Variants in PTPRB observed in about 807,000 individuals in gnomAD.
PTPRB encodes the protein receptor-type tyrosine-protein phosphatase beta.
A neutral mutation model predicts 238.1 loss-of-function variants in PTPRB; 97 were observed. The ratio of observed to expected loss-of-function variants is 0.41; its 90% CI spans 0.35 to 0.48. PTPRB has a LOEUF of 0.48. PTPRB is among the 20% of genes least tolerant of loss of function. PTPRB has a pLI of 0.30. For synonymous variants in PTPRB, 970 were observed against 995.4 expected (o/e 0.97, Z 0.48); for missense variants, 2,292 against 2,681.9 (o/e 0.85, Z 3.21).
intron 5 of PTPRB, among the ~76,000 whole-genome samples, chr12:70,595,368 C>T (rs544026675): frequency 9.6e-4 from 146 of 152,234 alleles, no homozygotes; most frequent in East Asian, 3.9e-3. Flanking sequence ...TTGATGGGTG[C>T]AGCAAACCAC....
At chr12:70,632,330 C>T (rs1022011787) in intron 2 of PTPRB, among the ~76,000 whole-genome samples, 6 of 151,876 alleles carry the variant, frequency 4.0e-5, no homozygotes, top group Admixed American at 6.6e-5. Context: ...ATCACAAGGA[C>T]AGAAAACCAA....
intron 4 of PTPRB, among the ~76,000 whole-genome samples, chr12:70,603,371 A>G (rs1371331917): frequency 1.3e-5 from 2 of 152,252 alleles, no homozygotes; most frequent in African/African-American, 4.8e-5. Flanking sequence ...ATTTTTGTGT[A>G]TGCTAAGTAT....
intron 9 of PTPRB, chr12:70,584,820 A>C (rs1366155626): frequency 6.6e-6 from 1 of 152,150 alleles, no homozygotes; most frequent in Non-Finnish European, 1.5e-5. Context: ...AGGGGGAAAA[A>C]ATGAGAAAAA....
intron 32 of PTPRB, among the ~76,000 whole-genome samples, chr12:70,526,763 C>G (rs1182653509): frequency 6.6e-6 from 1 of 152,182 alleles, no homozygotes; most frequent in Non-Finnish European, 1.5e-5. Context: ...CATAATTCAT[C>G]TTTTCAGTTC....
At chr12:70,524,786 A>G (rs531884875) in intron 32 of PTPRB, among the ~76,000 whole-genome samples, 195 bp from the exon 33 acceptor site, 1 of 152,102 alleles carries the variant, frequency 6.6e-6, no homozygotes, top group South Asian at 2.1e-4. Flanking sequence ...GGTAATGGGC[A>G]GAGAGGTGGC....
intron 4 of PTPRB, among the ~76,000 whole-genome samples, chr12:70,603,752 A>G (rs1302606890): frequency 6.6e-6 from 1 of 152,232 alleles, no homozygotes; most frequent in Non-Finnish European, 1.5e-5. Flanking sequence ...TTATTGTTAT[A>G]CTATCCCCAT....
Position 70,581,311 on chromosome 12 carries a change from G to A in PTPRB, c.2312-9C>T. 1 of 1,588,292 alleles carries A rather than the reference G, an allele frequency of 6.3e-7. No homozygotes were observed. Among genetic ancestry groups the A allele is most frequent in the Non-Finnish European group, 8.6e-7 (1 of 1,168,140 alleles). On this transcript the variant is annotated splice_polypyrimidine_tract_variant and intron_variant, in intron 9 of 33. Transcript: ENST00000334414. ...AGTCACTTGGGCAGGCACTAAAACA[G>A]TAGACAGAAGAAAAAACAAATGACA... is the stretch of plus-strand genomic sequence containing the variant.
chr12:70,633,786 C>T (rs750103637), intron 2 of PTPRB, among the ~76,000 whole-genome samples: 2 of 152,050 alleles, frequency 1.3e-5, no homozygotes, highest in Non-Finnish European at 2.9e-5. Context: ...GGTAGTTTTT[C>T]TATGAATTAT....
At chr12:70,541,438 G>A (rs1157171419) in intron 22 of PTPRB, 1 of 152,686 alleles carries the variant, frequency 6.5e-6, no homozygotes, top group African/African-American at 2.4e-5. Context: ...GGTAAGAGTG[G>A]CCTCATTTTT....
chr12:70,615,861 A>C (rs1315831872), intron 3 of PTPRB, among the ~76,000 whole-genome samples: 2 of 152,194 alleles, frequency 1.3e-5, no homozygotes, highest in African/African-American at 4.8e-5. Context: ...GAAATCAAAA[A>C]CAGTCACCCA....
In PTPRB at chr12:70,560,564, G is replaced by T; in HGVS notation, c.4432+107C>A. ...TTCCCAAATTCAGGGGCTAGCTCAG[G>T]GTATATCATTATTGGCTTTATCTCT... is the stretch of plus-strand genomic sequence containing the variant. On this transcript the variant is annotated intron_variant, in intron 17 of 33. Coordinates refer to ENST00000334414, the MANE Select transcript of PTPRB (RefSeq NM_001109754.4). The surrounding 1 kb of genome is among the most constrained non-coding windows in gnomAD (Gnocchi z 4.2). The T allele has an allele frequency of 7.0e-7, 1 of 1,430,446 alleles. No homozygotes were observed. The allele number at this position is 1,430,446 out of a possible 1,614,324, so 88.6% of individuals were successfully genotyped here.
Position 70,552,788 on chromosome 12 carries a change from G to A in PTPRB, c.5376C>T (p.His1792=). 1 of 1,613,996 alleles carries A rather than the reference G, an allele frequency of 6.2e-7. No homozygotes were observed. Among genetic ancestry groups the A allele is most frequent in the South Asian group, 1.1e-5 (1 of 91,084 alleles). Residue 1792 remains histidine (H), a synonymous_variant, in exon 21 of 34, where the codon CAC becomes CAT. Coordinates refer to ENST00000334414, the MANE Select transcript of PTPRB (RefSeq NM_001109754.4). ...QKFCDGPLKP[H]TAYRISIRAF... is the part of the protein sequence containing the mutation. ...GTAATATATCTAACCTGTAGGCAGT[G>A]TGTGGCTTCAGTGGTCCATCACAGA...
chr12:70,616,166 A>C (rs1335901340), intron 3 of PTPRB, among the ~76,000 whole-genome samples: 1 of 151,718 alleles, frequency 6.6e-6, no homozygotes, highest in Non-Finnish European at 1.5e-5. Flanking sequence ...CTAGTCTCAA[A>C]CTCCTGGGCT....
At position 70,592,407 on chromosome 12, in the gene PTPRB, C is replaced by G; in HGVS notation, c.1655G>C (p.Arg552Thr). 1 of 1,613,894 alleles carries G rather than the reference C, an allele frequency of 6.2e-7. No individual in the cohort carries two copies. Among genetic ancestry groups the G allele is most frequent in the Non-Finnish European group, 8.5e-7 (1 of 1,179,794 alleles). ...LSHKGTIKES[R>T]VLAPWITETH... is the part of the protein sequence containing the mutation. ...TTCAGTAATCCAAGGTGCTAATACT[C>G]TGGATTCCTTGATGGTCCCTTTGTG... Residue 552 changes from arginine (R) to threonine (T), a missense_variant, in exon 7 of 34, where the codon AGA becomes ACA. This residue lies in a region of PTPRB where 1,205 missense variants were observed against 1,287.8 expected (regional missense o/e 0.94). Transcript: ENST00000334414.
chr12:70,586,358 T>C (rs1322404264), intron 9 of PTPRB, among the ~76,000 whole-genome samples: 2 of 152,182 alleles, frequency 1.3e-5, no homozygotes, highest in Non-Finnish European at 2.9e-5. Context: ...ACTTCCACCA[T>C]GATTATAAGT....
chr12:70,555,708 C>CT (rs3214593), intron 19 of PTPRB, among the ~76,000 whole-genome samples, 162 bp downstream of exon 19: 98,636 of 151,894 alleles, frequency 0.65, 32,156 homozygotes, highest in African/African-American at 0.7. Context: ...GTTTCCATTT[C>CT]TGGAGACTTT....
chr12:70,594,778 C>T, intron 5 of PTPRB, 54 bp from the exon 6 acceptor site: 1 of 1,577,940 alleles, frequency 6.3e-7, no homozygotes, highest in Non-Finnish European at 8.7e-7. Flanking sequence ...TTATAGGAGA[C>T]ATAGACACAT....
At chr12:70,613,416 C>T (rs79210941) in intron 3 of PTPRB, among the ~76,000 whole-genome samples, 6,597 of 152,064 alleles carry the variant, frequency 0.043, 410 homozygotes, top group African/African-American at 0.13. Flanking sequence ...CTCCCCATCC[C>T]GTGCCTATGG....
At chr12:70,537,301 AAAAAAAAG>A (rs1228598143) in intron 28 of PTPRB, among the ~76,000 whole-genome samples, 15 of 151,518 alleles carry the variant, frequency 9.9e-5, no homozygotes, top group South Asian at 2.1e-4. Flanking sequence ...AAAAAAAAAA[AAAAAAAAG>A]AAAGAAATAC....
Sources: allele counts gnomAD v4.1 joint callset (sites outside exome capture counted in the v4.1 genomes callset), GRCh38; gene constraint gnomAD v4.1.1; regional missense constraint gnomAD v4.1.1; non-coding constraint Gnocchi (gnomAD v3.1); transcripts MANE v1.5; gene names NCBI Gene and HGNC (gene_info 2026-07-23, HGNC 2026-07-21).